The following LINGO2 variants were observed in gnomAD, a reference collection of about 807,000 sequenced individuals.
The protein encoded by LINGO2 is leucine rich repeat and Ig domain containing 2.
In LINGO2, 14 loss-of-function variants were observed where a neutral mutation model predicts 30.6. The observed-to-expected ratio is 0.46, with a 90% CI of 0.30 to 0.72. LINGO2 has a LOEUF of 0.72. LINGO2 is among the 30% of genes least tolerant of loss of function. LINGO2 has a pLI of 0.07. For missense variants in LINGO2, 729 were observed against 751.7 expected (o/e 0.97, Z 0.35); for synonymous variants, 317 against 288.5 (o/e 1.10, Z -1.00).
At chr9:29,072,143 A>G in the LINGO2 span, among the ~76,000 whole-genome samples, 1 of 150,472 alleles carries the variant, frequency 6.6e-6, no homozygotes, top group Non-Finnish European at 1.5e-5. Flanking sequence ...AGGAATGTAG[A>G]TAATAATGAA....
At chr9:28,922,128 T>C in the LINGO2 span, among the ~76,000 whole-genome samples, 353 of 152,316 alleles carry the variant, frequency 2.3e-3, 2 homozygotes, top group Admixed American at 3.3e-3. Flanking sequence ...CCTCTTTCAT[T>C]ACTATTTCTC....
At chr9:28,271,505 T>C (rs1026111703) in intron 4 of LINGO2, among the ~76,000 whole-genome samples, 1 of 152,160 alleles carries the variant, frequency 6.6e-6, no homozygotes, top group South Asian at 2.1e-4. Flanking sequence ...AACATAGAAT[T>C]TGTAAATGGC....
chr9:28,289,785 C>G (rs968540298), intron 4 of LINGO2, among the ~76,000 whole-genome samples: 1 of 152,192 alleles, frequency 6.6e-6, no homozygotes, highest in African/African-American at 2.4e-5. Context: ...AGCATCTTCT[C>G]TCTCCAGTCT....
At chr9:28,865,359 T>C in the LINGO2 span, among the ~76,000 whole-genome samples, 1 of 152,054 alleles carries the variant, frequency 6.6e-6, no homozygotes, top group Non-Finnish European at 1.5e-5. Context: ...CTCCAGCTCT[T>C]CATCAAGTGT....
At chr9:28,053,571 G>A (rs1456411168) in intron 4 of LINGO2, among the ~76,000 whole-genome samples, 1 of 152,024 alleles carries the variant, frequency 6.6e-6, no homozygotes, top group African/African-American at 2.4e-5. Flanking sequence ...GATCAGATAA[G>A]GTTTACAATC....
chr9:28,008,507 A>G (rs1822383614), intron 5 of LINGO2, among the ~76,000 whole-genome samples: 1 of 151,806 alleles, frequency 6.6e-6, no homozygotes, highest in South Asian at 2.1e-4. Flanking sequence ...AAAGACTCAG[A>G]TTGTAAAGGA....
the LINGO2 span, among the ~76,000 whole-genome samples, chr9:28,782,251 A>G: frequency 2.6e-5 from 4 of 152,218 alleles, no homozygotes; most frequent in Non-Finnish European, 5.9e-5. Context: ...TAAATGAGAA[A>G]GCAGAAATTT....
At chr9:28,485,126 C>A (rs1356580337) in intron 1 of LINGO2, among the ~76,000 whole-genome samples, 1 of 152,096 alleles carries the variant, frequency 6.6e-6, no homozygotes, top group Non-Finnish European at 1.5e-5. Flanking sequence ...TGATTCCCAA[C>A]TTCTTATTTG....
At chr9:28,578,907 C>A (rs1207143530) in intron 1 of LINGO2, among the ~76,000 whole-genome samples, 2 of 152,104 alleles carry the variant, frequency 1.3e-5, no homozygotes, top group African/African-American at 2.4e-5. Flanking sequence ...TAGGTTGTTA[C>A]CCCAGTCATG....
chr9:29,009,294 C>T, the LINGO2 span, among the ~76,000 whole-genome samples: 1 of 152,162 alleles, frequency 6.6e-6, no homozygotes, highest in African/African-American at 2.4e-5. Flanking sequence ...CCCATTGTCT[C>T]AGCCCAAAAT....
intron 4 of LINGO2, among the ~76,000 whole-genome samples, chr9:28,066,851 T>A (rs533150705): frequency 9.9e-5 from 15 of 152,014 alleles, no homozygotes; most frequent in Non-Finnish European, 2.1e-4. Context: ...GTCATCAATG[T>A]CTCTGCTTGC....
the LINGO2 span, among the ~76,000 whole-genome samples, chr9:28,743,293 T>C: frequency 6.6e-6 from 1 of 152,048 alleles, no homozygotes; most frequent in Non-Finnish European, 1.5e-5. Context: ...CATCAACCTG[T>C]CATCTACATT....
rs1248166110 is a variant in LINGO2 at position 28,048,942 on chromosome 9, G to A, written c.-86-36537C>T. Among the ~76,000 whole-genome samples, 3 of 150,758 alleles carry A rather than the reference G, an allele frequency of 2.0e-5. 1 individual carries two copies. The South Asian group carries it at 6.4e-4, about 32-fold the overall frequency. On this transcript the variant is annotated intron_variant, in intron 4 of 5. Transcript: ENST00000379992. ...CTATCCCGAGTGTAACAAAGCAAAT[G>A]CATGTATGTGAAATATAAAAGGCAA...
intron 1 of LINGO2, among the ~76,000 whole-genome samples, chr9:28,611,914 G>T (rs892464045): frequency 6.6e-6 from 1 of 151,642 alleles, no homozygotes; most frequent in Non-Finnish European, 1.5e-5. Flanking sequence ...TCCGCCTCCC[G>T]GGTTCACACC....
intron 4 of LINGO2, among the ~76,000 whole-genome samples, chr9:28,192,248 T>C (rs1819848422): frequency 6.6e-6 from 1 of 152,102 alleles, no homozygotes; most frequent in South Asian, 2.1e-4. Flanking sequence ...CAAATATATA[T>C]ACATGTTATA....
At chr9:28,820,776 T>C in the LINGO2 span, among the ~76,000 whole-genome samples, 20 of 152,196 alleles carry the variant, frequency 1.3e-4, 1 homozygote, top group South Asian at 2.3e-3. Flanking sequence ...TTAGAAACAG[T>C]GGGGGTTTTG....
intron 2 of LINGO2, among the ~76,000 whole-genome samples, chr9:28,379,273 G>T (rs1821248156): frequency 1.3e-5 from 2 of 152,064 alleles, no homozygotes; most frequent in African/African-American, 4.8e-5. Flanking sequence ...ACCTGCAAGA[G>T]ACTGAAAGCA....
In LINGO2 at chr9:27,948,892, C is replaced by T. The variant is rs780086968; in HGVS notation, c.1780G>A (p.Glu594Lys). The change falls in exon 6 of 6, where the codon GAG becomes AAG. Residue 594 changes from glutamate (E) to lysine (K), a missense_variant. Physicochemically the swap from Glu to Lys is moderately conservative, Grantham distance 56 (BLOSUM62 1). Transcript: ENST00000379992. ...TTGAACCTCCTGGGTCCAGCTACCT[C>T]CCCTTCCACAACAGCACCATTGTTT... The T allele has an allele frequency of 1.9e-6, 3 of 1,613,628 alleles. No homozygotes were observed. The South Asian group carries it at 3.3e-5, about 18-fold the overall frequency.
chr9:28,361,849 C>T (rs1467685922), intron 3 of LINGO2, among the ~76,000 whole-genome samples: 1 of 152,140 alleles, frequency 6.6e-6, no homozygotes, highest in East Asian at 1.9e-4. Flanking sequence ...GTTTAACAGA[C>T]ATTTACAAGT....
Sources: allele counts gnomAD v4.1 joint callset (sites outside exome capture counted in the v4.1 genomes callset), GRCh38; gene constraint gnomAD v4.1.1; transcripts MANE v1.5; gene names NCBI Gene and HGNC (gene_info 2026-07-23, HGNC 2026-07-21).